The following CDH13 variants were observed in gnomAD, a reference collection of about 807,000 sequenced individuals.
The protein encoded by CDH13 is cadherin 13.
A neutral mutation model predicts 63.8 loss-of-function variants in CDH13; 24 were observed. The ratio of observed to expected loss-of-function variants is 0.38; its 90% CI spans 0.27 to 0.53. The LOEUF (loss-of-function observed/expected upper bound fraction) is 0.53. CDH13 is among the 20% of genes least tolerant of loss of function. CDH13 has a pLI of 0.85. For synonymous variants in CDH13, 503 were observed against 355.3 expected (o/e 1.42, Z -4.67); for missense variants, 1,049 against 903.1 (o/e 1.16, Z -2.07).
At chr16:83,447,938 C>A (rs2072760396) in intron 6 of CDH13, among the ~76,000 whole-genome samples, 1 of 151,914 alleles carries the variant, frequency 6.6e-6, no homozygotes, top group African/African-American at 2.4e-5. Flanking sequence ...CTCTCTGGTC[C>A]CCAGTCTCCT....
chr16:83,350,848 G>A (rs951724599), intron 6 of CDH13, among the ~76,000 whole-genome samples: 2 of 152,122 alleles, frequency 1.3e-5, no homozygotes, highest in African/African-American at 4.8e-5. Context: ...TTTCCTCCAG[G>A]ATCCACCTGA....
chr16:82,985,552 C>T (rs757256395), intron 2 of CDH13, among the ~76,000 whole-genome samples: 10 of 152,120 alleles, frequency 6.6e-5, no homozygotes, highest in Non-Finnish European at 1.0e-4. Context: ...GAGATAGGTG[C>T]GTGGTTTTAG....
intron 8 of CDH13, among the ~76,000 whole-genome samples, chr16:83,665,816 C>T (rs1361884032): frequency 6.6e-6 from 1 of 152,164 alleles, no homozygotes; most frequent in Non-Finnish European, 1.5e-5. Flanking sequence ...CCATGTTAAT[C>T]TAAAGGTCAA....
intron 3 of CDH13, among the ~76,000 whole-genome samples, chr16:83,056,581 C>T (rs187158115): frequency 3.9e-5 from 6 of 152,238 alleles, no homozygotes; most frequent in African/African-American, 1.4e-4. Context: ...AGTTCAACAG[C>T]AGGCAGAACT....
chr16:82,852,981 CTTT>C (rs1296211835), intron 1 of CDH13, among the ~76,000 whole-genome samples: 11 of 152,254 alleles, frequency 7.2e-5, no homozygotes, highest in African/African-American at 2.6e-4. Context: ...AAAAAAAACC[CTTT>C]CTTTTTAAGA....
intron 5 of CDH13, among the ~76,000 whole-genome samples, chr16:83,315,450 G>A (rs1336377928): frequency 6.6e-6 from 1 of 152,180 alleles, no homozygotes; most frequent in Non-Finnish European, 1.5e-5. Flanking sequence ...CCCACTGTGT[G>A]TACAGTAATT....
chr16:83,744,073 T>C (rs550274826), intron 10 of CDH13, among the ~76,000 whole-genome samples: 1 of 152,276 alleles, frequency 6.6e-6, no homozygotes, highest in South Asian at 2.1e-4. Context: ...CAGGTTGTCA[T>C]GAGTCACAAA....
intron 1 of CDH13, among the ~76,000 whole-genome samples, chr16:82,710,855 A>T (rs2031885172): frequency 1.3e-5 from 2 of 151,178 alleles, no homozygotes; most frequent in Non-Finnish European, 2.9e-5. Context: ...ATGTGTACAC[A>T]TTTCAGAATC....
At chr16:83,175,319 A>C (rs1185660794) in intron 4 of CDH13, among the ~76,000 whole-genome samples, 1 of 152,156 alleles carries the variant, frequency 6.6e-6, no homozygotes, top group African/African-American at 2.4e-5. Flanking sequence ...GAAGTTATCA[A>C]TAGTTTATTA....
chr16:83,471,636 G>C (rs543882855), intron 6 of CDH13, among the ~76,000 whole-genome samples: 1 of 152,276 alleles, frequency 6.6e-6, no homozygotes, highest in African/African-American at 2.4e-5. Context: ...GCTCAGAGAG[G>C]CTGCCCCATG....
intron 5 of CDH13, among the ~76,000 whole-genome samples, chr16:83,309,064 T>C (rs2089942733): frequency 6.6e-6 from 1 of 152,204 alleles, no homozygotes. Context: ...CACTCCTTAC[T>C]GTGGCTTGGT....
At chr16:83,622,982 A>G (rs1422568576) in intron 8 of CDH13, among the ~76,000 whole-genome samples, 1 of 152,206 alleles carries the variant, frequency 6.6e-6, no homozygotes, top group Non-Finnish European at 1.5e-5. Flanking sequence ...AATCTTACAA[A>G]TAAATTCAGA....
intron 4 of CDH13, among the ~76,000 whole-genome samples, chr16:83,164,829 G>GTACATA (rs140256316): frequency 8.8e-4 from 134 of 151,662 alleles, no homozygotes; most frequent in Non-Finnish European, 1.1e-3. Flanking sequence ...TACTAACAGT[G>GTACATA]TGTATATATA....
At position 83,033,328 on chromosome 16, in the gene CDH13, T is replaced by C. The variant is rs575422104; in HGVS notation, c.366+1110T>C. 1.9e-3 allele frequency among the ~76,000 whole-genome samples: 292 copies of C among 152,268 alleles called. 1 individual carries two copies. The highest frequency in any genetic ancestry group is 0.017 in the Middle Eastern group (5 of 294). On this transcript the variant is annotated intron_variant, in intron 3 of 13. Transcript: ENST00000567109. ...TGTATATATATACGGTGTATATGTA[T>C]GTCTATATGTATACATTTGCATTTA...
At chr16:83,452,599 T>G (rs1007747181) in intron 6 of CDH13, among the ~76,000 whole-genome samples, 1 of 152,212 alleles carries the variant, frequency 6.6e-6, no homozygotes, top group African/African-American at 2.4e-5. Flanking sequence ...CAGCAATTCT[T>G]GTAAGTAAGT....
intron 4 of CDH13, among the ~76,000 whole-genome samples, chr16:83,146,717 G>C (rs149991528): frequency 1.1e-4 from 17 of 152,278 alleles, no homozygotes; most frequent in Admixed American, 3.9e-4. Context: ...AGCACAATTG[G>C]AGTTTGGTTA....
In CDH13 at chr16:83,566,875, C is replaced by G. The variant is rs941851695; in HGVS notation, c.961-35579C>G. Among the ~76,000 whole-genome samples the G allele has an allele frequency of 2.0e-5, 3 of 152,020 alleles. No individual in the cohort carries two copies. The East Asian group carries it at 5.8e-4, about 29-fold the overall frequency. The stretch of plus-strand genomic sequence containing the variant: ...CACTCCTCCAGAAAAGCTCAGCAAC[C>G]AAGAGGAAAAAAAAGAAGAAACACA... On this transcript the variant is annotated intron_variant, in intron 7 of 13. Coordinates refer to ENST00000567109, the MANE Select transcript of CDH13 (RefSeq NM_001257.5).
intron 2 of CDH13, among the ~76,000 whole-genome samples, chr16:82,880,181 A>G (rs978441556): frequency 3.3e-5 from 5 of 152,098 alleles, no homozygotes; most frequent in African/African-American, 1.2e-4. Context: ...GTATCGCCCT[A>G]TATATTTTCC....
rs143277484 is a variant in CDH13 at position 83,195,513 on chromosome 16, G to A, written c.484-21832G>A. Among the ~76,000 whole-genome samples the A allele has an allele frequency of 7.0e-3, 1,069 of 152,054 alleles. 12 individuals carry two copies. The highest frequency in any genetic ancestry group is 0.011 in the Non-Finnish European group (739 of 67,990). On this transcript the variant is annotated intron_variant, in intron 4 of 13. Transcript: ENST00000567109. ...GCAGGACCAAGAGAGAGATGGGGGA[G>A]GTGCTATACAGTTTCAAACAACCAG...
Sources: gnomAD v4.1 joint callset for allele counts (sites outside exome capture counted in the v4.1 genomes callset) on GRCh38, gnomAD v4.1.1 for gene constraint, MANE v1.5 for transcripts, NCBI Gene and HGNC (gene_info 2026-07-23, HGNC 2026-07-21) for gene names.